PCLO: variants seen among roughly 807,000 people sequenced by gnomAD.
PCLO encodes the protein protein piccolo.
Under a neutral mutation model 427.5 loss-of-function variants are expected in PCLO, and 82 were observed. That is an observed-to-expected ratio of 0.19 (90% confidence interval 0.16 to 0.23). The LOEUF is 0.23. PCLO is among the 10% of genes least tolerant of loss of function. The pLI is 1.00. For missense variants in PCLO, 6,239 were observed against 6,115.9 expected, an observed-to-expected ratio of 1.02 and a Z score of -0.67; for synonymous variants, 2,357 against 2,155.4, an observed-to-expected ratio of 1.09 and a Z score of -2.59.
At chr7:82,948,506 A>G (rs1410035787) in intron 6 of PCLO, among the ~76,000 whole-genome samples, 2 of 152,150 alleles carry the variant, frequency 1.3e-5, no homozygotes, top group Non-Finnish European at 2.9e-5. Context: ...TAGAAACTTC[A>G]GGGTTCAAAA....
At chr7:82,846,852 TG>T (rs577114179) in intron 11 of PCLO, among the ~76,000 whole-genome samples, 337 of 152,280 alleles carry the variant, frequency 2.2e-3, no homozygotes, top group African/African-American at 7.7e-3. Context: ...GAAATCTTTA[TG>T]AATTAAATGT....
At chr7:83,135,776 G>C (rs932563119) in intron 2 of PCLO, 120 bp from the exon 3 acceptor site, 2 of 591,004 alleles carry the variant, frequency 3.4e-6, no homozygotes, top group Non-Finnish European at 5.8e-6. Context: ...AGAAAATATA[G>C]AGAAAATTAT....
At chr7:82,871,198 G>T (rs1164130817) in intron 10 of PCLO, among the ~76,000 whole-genome samples, 1 of 151,908 alleles carries the variant, frequency 6.6e-6, no homozygotes, top group African/African-American at 2.4e-5. Context: ...CCAAGAGATG[G>T]AATCAAACTG....
chr7:82,949,985 T>A lies in PCLO; in HGVS notation c.10603A>T (p.Arg3535Ter). The part of the protein sequence containing the change: ...SVQTEPVGTI[R>*]TPSIRARVDA... ...ACTCGTGCCCGTATGGAGGGTGTTCTTATGGTTCCAACTGGTTCAGTTTGC... is the reference window on the plus strand; with the variant it reads ...ACTCGTGCCCGTATGGAGGGTGTTCATATGGTTCCAACTGGTTCAGTTTGC... The change falls in exon 6 of 25, where the codon AGA (arginine) becomes TGA (stop). Residue 3535 changes from arginine (R) to a stop codon, truncating the protein, a stop_gained. Transcript: ENST00000333891. LOFTEE classifies it high-confidence loss of function. 1 of 1,613,572 alleles carries A rather than the reference T, an allele frequency of 6.2e-7. No homozygotes were observed.
intron 3 of PCLO, among the ~76,000 whole-genome samples, chr7:82,998,793 C>CAAAACA (rs771206947): frequency 4.8e-4 from 73 of 151,496 alleles, no homozygotes; most frequent in Admixed American, 1.2e-3. Context: ...TACTCAAAGA[C>CAAAACA]AAAACAAAAA....
chr7:83,065,332 A>AT (rs937044272), intron 3 of PCLO, among the ~76,000 whole-genome samples: 2 of 151,620 alleles, frequency 1.3e-5, no homozygotes, highest in Non-Finnish European at 2.9e-5. Context: ...TTCCTAAATA[A>AT]TTTTTTCTTA....
At chr7:83,125,004 C>T (rs1248674680) in intron 3 of PCLO, among the ~76,000 whole-genome samples, 2 of 152,204 alleles carry the variant, frequency 1.3e-5, no homozygotes, top group Admixed American at 1.3e-4. Context: ...GATCTGCCCG[C>T]CTTGGCCTCC....
intron 3 of PCLO, among the ~76,000 whole-genome samples, chr7:83,000,818 A>C (rs950096088): frequency 1.3e-5 from 2 of 152,078 alleles, no homozygotes; most frequent in Non-Finnish European, 2.9e-5. Context: ...AAAAAGGAAT[A>C]AGTGAAGTAA....
chr7:82,951,281 T>C lies in PCLO; in HGVS notation c.9307A>G (p.Ile3103Val), dbSNP rs996621243. Reference sequence around the variant, plus strand: ...AAAATGGAGCCAGGTTGTGTGGTGATAGCAAATGTAGAGGGTGTTGGAGTT... The same window carrying C: ...AAAATGGAGCCAGGTTGTGTGGTGACAGCAAATGTAGAGGGTGTTGGAGTT... ...VATPTPSTFAITTQPGSIFST... is the reference protein window; with the variant it reads ...VATPTPSTFAVTTQPGSIFST... The change falls in exon 6 of 25, where the codon ATC (isoleucine) becomes GTC (valine). Residue 3103 changes from isoleucine to valine, a missense_variant. Transcript: ENST00000333891. 1 of 1,613,470 alleles carries C rather than the reference T, an allele frequency of 6.2e-7. No individual in the cohort carries two copies. The highest frequency in any genetic ancestry group is 8.5e-7 in the Non-Finnish European group (1 of 1,179,684).
chr7:82,779,880 G>C (rs1790836227), intron 22 of PCLO, among the ~76,000 whole-genome samples: 1 of 151,314 alleles, frequency 6.6e-6, no homozygotes. Context: ...GATCACTTTT[G>C]CCTTCTGGAC....
intron 17 of PCLO, among the ~76,000 whole-genome samples, chr7:82,827,274 T>C (rs1163205907): frequency 1.3e-5 from 2 of 152,110 alleles, no homozygotes; most frequent in Non-Finnish European, 2.9e-5. Flanking sequence ...AGTTATTGTC[T>C]GTTAAGCAAA....
intron 6 of PCLO, among the ~76,000 whole-genome samples, chr7:82,944,777 C>T (rs1795163670): frequency 6.6e-6 from 1 of 152,208 alleles, no homozygotes; most frequent in South Asian, 2.1e-4. Context: ...GCCAAATGTC[C>T]ATCTGAGAAA....
chr7:82,826,567 GGAAA>G lies in PCLO; in HGVS notation c.14415+18_14415+21del. On this transcript the variant is annotated intron_variant, in intron 18 of 24. Coordinates refer to ENST00000333891, the MANE Select transcript of PCLO (RefSeq NM_033026.6). ...GTGGTTTACCATAGCAGCAAATAAG[GGAAA>G]GGAAGTCAGAGGCTTACCTCCCCAA... 6.6e-7 allele frequency: 1 copy of G among 1,520,906 alleles called. No individual in the cohort carries two copies. Among genetic ancestry groups the G allele is most frequent in the Non-Finnish European group, 9.1e-7 (1 of 1,100,438 alleles). The allele number at this position is 1,520,906 out of a possible 1,614,324, so 94.2% of individuals were successfully genotyped here. A position where few individuals can be genotyped will look rare whatever the true frequency, so the allele number is the denominator to read the frequency against.
intron 1 of PCLO, among the ~76,000 whole-genome samples, chr7:83,161,219 T>C (rs936102999): frequency 7.3e-6 from 1 of 137,550 alleles, no homozygotes; most frequent in Non-Finnish European, 1.6e-5. Flanking sequence ...GCTTACGTGA[T>C]AGTGACTAAG....
At chr7:82,881,336 TAG>T (rs1437882541) in intron 9 of PCLO, among the ~76,000 whole-genome samples, 1 of 152,214 alleles carries the variant, frequency 6.6e-6, no homozygotes, top group Non-Finnish European at 1.5e-5. Flanking sequence ...GTTGGGTCCT[TAG>T]AGTCATTTGA....
chr7:82,901,024 A>T (rs1005303419), intron 9 of PCLO, among the ~76,000 whole-genome samples: 2 of 151,910 alleles, frequency 1.3e-5, no homozygotes, highest in African/African-American at 4.8e-5. Flanking sequence ...AATTCAAGAC[A>T]GATTTTTAAT....
chr7:82,808,984 T>C (rs1033411557), intron 20 of PCLO, among the ~76,000 whole-genome samples: 4 of 151,964 alleles, frequency 2.6e-5, no homozygotes, highest in Non-Finnish European at 5.9e-5. Flanking sequence ...AAGCTGGTTC[T>C]AAGAATCCGT....
intron 3 of PCLO, among the ~76,000 whole-genome samples, chr7:83,045,364 G>A (rs1789078878): frequency 2.6e-5 from 4 of 152,106 alleles, no homozygotes; most frequent in Admixed American, 6.6e-5. Flanking sequence ...TGCCTGAAAT[G>A]TCCTTTACTC....
At chr7:83,028,952 T>C (rs1188718495) in intron 3 of PCLO, among the ~76,000 whole-genome samples, 6 of 151,926 alleles carry the variant, frequency 3.9e-5, no homozygotes, top group African/African-American at 1.5e-4. Context: ...TATACAAAAA[T>C]CAATTCAAGA....
Sources: allele counts gnomAD v4.1 joint callset (sites outside exome capture counted in the v4.1 genomes callset), GRCh38; gene constraint gnomAD v4.1.1; transcripts MANE v1.5; gene names NCBI Gene and HGNC (gene_info 2026-07-23, HGNC 2026-07-21).